STAG1: variants seen among roughly 807,000 people sequenced by gnomAD.
The protein encoded by STAG1 is cohesin subunit SA-1.
Under a neutral mutation model 170.9 loss-of-function variants are expected in STAG1, and 26 were observed. The ratio of observed to expected loss-of-function variants is 0.15; its 90% CI spans 0.11 to 0.21. The LOEUF (loss-of-function observed/expected upper bound fraction) is 0.21. Among genes scored for constraint, STAG1 ranks in the 10% least tolerant of loss-of-function variants. STAG1 has a pLI of 1.00. For synonymous variants in STAG1, 514 were observed against 497.7 expected (o/e 1.03, Z -0.44); for missense variants, 964 against 1,509.5 (o/e 0.64, Z 5.99).
intron 10 of STAG1, 50 bp from the exon 11 acceptor site, chr3:136,473,687 C>T (rs928712465): frequency 1.4e-6 from 2 of 1,406,650 alleles, no homozygotes; most frequent in African/African-American, 2.8e-5. Flanking sequence ...TTCCATACTA[C>T]AATTTTCAAG....
At chr3:136,621,881 G>T (rs571831011) in intron 3 of STAG1, among the ~76,000 whole-genome samples, 1 of 149,644 alleles carries the variant, frequency 6.7e-6, no homozygotes, top group African/African-American at 2.5e-5. Context: ...TCTAACCACC[G>T]AACTAGATTT....
chr3:136,373,572 G>C (rs57752565), intron 23 of STAG1, among the ~76,000 whole-genome samples: 6,134 of 152,214 alleles, frequency 0.04, 157 homozygotes, highest in East Asian at 0.13. Context: ...TGGTTTCAAA[G>C]AACATCTTTA....
At chr3:136,537,086 T>C (rs1219709696) in intron 6 of STAG1, among the ~76,000 whole-genome samples, 1 of 152,236 alleles carries the variant, frequency 6.6e-6, no homozygotes, top group Non-Finnish European at 1.5e-5. Context: ...AATTTTTTAA[T>C]TATTCATTTG....
chr3:136,478,536 T>A (rs1415387729), intron 9 of STAG1, among the ~76,000 whole-genome samples: 1 of 152,212 alleles, frequency 6.6e-6, no homozygotes, highest in Non-Finnish European at 1.5e-5. Flanking sequence ...TTCACAAATG[T>A]TAAAATTTTA....
At chr3:136,442,342 A>G (rs1170432992) in intron 15 of STAG1, among the ~76,000 whole-genome samples, 2 of 152,262 alleles carry the variant, frequency 1.3e-5, no homozygotes, top group African/African-American at 2.4e-5. Context: ...ATTGTGGGCT[A>G]GTTTGAAAAC....
At chr3:136,519,308 G>A (rs538880164) in intron 7 of STAG1, among the ~76,000 whole-genome samples, 58 of 152,228 alleles carry the variant, frequency 3.8e-4, no homozygotes, top group African/African-American at 1.3e-3. Context: ...TGCCCCTACA[G>A]AGAAGCCAAA....
intron 10 of STAG1, among the ~76,000 whole-genome samples, chr3:136,476,935 A>C (rs183374921): frequency 6.6e-6 from 1 of 152,300 alleles, no homozygotes; most frequent in East Asian, 1.9e-4. Context: ...TGGTCCTAGA[A>C]AATTTTTTTT....
intron 5 of STAG1, 96 bp downstream of exon 5, chr3:136,568,669 T>G (rs1937162913): frequency 1.3e-6 from 1 of 794,190 alleles, no homozygotes; most frequent in African/African-American, 1.7e-5. Context: ...TCTTTAATTT[T>G]AGGGTAAATT....
chr3:136,530,585 A>G (rs1371366907), intron 6 of STAG1, among the ~76,000 whole-genome samples: 1 of 152,208 alleles, frequency 6.6e-6, no homozygotes, highest in Non-Finnish European at 1.5e-5. Flanking sequence ...ACCACAATGG[A>G]ATAAAACCAG....
At chr3:136,438,348 G>A (rs184475603) in intron 15 of STAG1, among the ~76,000 whole-genome samples, 43 of 146,324 alleles carry the variant, frequency 2.9e-4, no homozygotes, top group Non-Finnish European at 5.6e-4. Flanking sequence ...TCAGTCTCCC[G>A]AGTAGCTGGG....
At chr3:136,628,894 TC>T (rs1940215481) in intron 2 of STAG1, among the ~76,000 whole-genome samples, 1 of 152,226 alleles carries the variant, frequency 6.6e-6, no homozygotes. Flanking sequence ...AATTACAATA[TC>T]TAAGTAAGCC....
chr3:136,654,506 T>A (rs1194515876), intron 1 of STAG1, among the ~76,000 whole-genome samples: 1 of 152,114 alleles, frequency 6.6e-6, no homozygotes, highest in African/African-American at 2.4e-5. Context: ...TAAAAACACA[T>A]CCCACGTTTT....
chr3:136,751,794 C>A (rs983569491), intron 1 of STAG1, among the ~76,000 whole-genome samples: 5 of 138,328 alleles, frequency 3.6e-5, no homozygotes, highest in South Asian at 2.2e-4. Context: ...GCGGGCGACT[C>A]CCGAGAGCCC....
intron 22 of STAG1, among the ~76,000 whole-genome samples, chr3:136,382,638 T>C (rs1464217930): frequency 1.3e-5 from 2 of 152,094 alleles, no homozygotes; most frequent in African/African-American, 4.8e-5. Flanking sequence ...CTCGAACTCC[T>C]GACCTTAGGT....
At chr3:136,400,927 CA>C (rs1481419689) in intron 21 of STAG1, among the ~76,000 whole-genome samples, 1 of 152,218 alleles carries the variant, frequency 6.6e-6, no homozygotes, top group African/African-American at 2.4e-5. Flanking sequence ...TAATAGAAAA[CA>C]ACTGAATTTT....
intron 1 of STAG1, among the ~76,000 whole-genome samples, chr3:136,709,090 G>A (rs886456225): frequency 4.7e-5 from 7 of 148,646 alleles, no homozygotes; most frequent in African/African-American, 1.2e-4. Context: ...AGGGGTTCAA[G>A]ACCAGCCTGA....
chr3:136,632,829 G>A (rs751286763), intron 1 of STAG1, among the ~76,000 whole-genome samples: 3 of 151,996 alleles, frequency 2.0e-5, no homozygotes, highest in South Asian at 2.1e-4. Context: ...GCTGCAAATG[G>A]CCAGGCTATT....
chr3:136,639,341 G>C (rs1476525413), intron 1 of STAG1, among the ~76,000 whole-genome samples: 1 of 151,542 alleles, frequency 6.6e-6, no homozygotes, highest in Non-Finnish European at 1.5e-5. Flanking sequence ...TCACCAAAAA[G>C]AAAAAAGGAA....
At chr3:136,611,543 C>A (rs117129526) in intron 3 of STAG1, among the ~76,000 whole-genome samples, 1 of 150,988 alleles carries the variant, frequency 6.6e-6, no homozygotes, top group Admixed American at 6.6e-5. Flanking sequence ...TCACCCAGGC[C>A]GGAGTACAGT....
Sources: gnomAD v4.1 joint callset for allele counts (sites outside exome capture counted in the v4.1 genomes callset) on GRCh38, gnomAD v4.1.1 for gene constraint, MANE v1.5 for transcripts, NCBI Gene and HGNC (gene_info 2026-07-23, HGNC 2026-07-21) for gene names.